The following VPS13D variants were observed in gnomAD, a reference collection of about 807,000 sequenced individuals.
VPS13D encodes vacuolar protein sorting 13 homolog D, also known as intermembrane lipid transfer protein VPS13D.
Under a neutral mutation model 461.9 loss-of-function variants are expected in VPS13D, and 187 were observed. The observed-to-expected ratio is 0.40, with a 90% confidence interval of 0.36 to 0.46. The LOEUF (loss-of-function observed/expected upper bound fraction) is 0.46, where lower values mean the gene tolerates loss of function less well. VPS13D is among the 20% of genes least tolerant of loss of function. VPS13D has a pLI of 0.60. For missense variants in VPS13D, 4,711 were observed against 5,364.9 expected, an observed-to-expected ratio of 0.88 and a Z score of 3.81; for synonymous variants, 1,951 against 1,986.3, an observed-to-expected ratio of 0.98 and a Z score of 0.47.
rs558193876 is a variant in VPS13D at position 12,244,276 on chromosome 1, C to T, written c.206C>T (p.Pro69Leu). The change falls in exon 4 of 70, where the codon CCC (proline) becomes CTC (leucine). Residue 69 changes from proline to leucine, a missense_variant. By Grantham distance (98) the Pro-to-Leu change is moderately conservative. This residue lies in a region of VPS13D where 4,411 missense variants were observed against 4,937.8 expected (regional missense o/e 0.89). Transcript: ENST00000620676. ...GFIGKVTLQI[P>L]FYRPHVDPWV... Reference sequence around the variant, plus strand: ...ATTGGGAAAGTAACCCTTCAGATTCCCTTTTATCGCCCCCATGTGGACCCT... The same window carrying T: ...ATTGGGAAAGTAACCCTTCAGATTCTCTTTTATCGCCCCCATGTGGACCCT... 6.2e-7 allele frequency: 1 copy of T among 1,613,598 alleles called. No homozygotes were observed. The highest frequency in any genetic ancestry group is 1.1e-5 in the South Asian group (1 of 90,942).
chr1:12,289,466 A>G (rs539509623), intron 22 of VPS13D, among the ~76,000 whole-genome samples: 1 of 152,174 alleles, frequency 6.6e-6, no homozygotes, highest in African/African-American at 2.4e-5. Flanking sequence ...TTGATGCTGT[A>G]GTAAAAACAA....
At chr1:12,380,133 G>A (rs141181345) in intron 57 of VPS13D, among the ~76,000 whole-genome samples, 10 of 152,306 alleles carry the variant, frequency 6.6e-5, no homozygotes, top group Admixed American at 3.9e-4. Context: ...TGTGTTAAGA[G>A]TGATTGCCCT....
At chr1:12,260,485 T>C (rs549582304) in intron 10 of VPS13D, among the ~76,000 whole-genome samples, 9 of 152,232 alleles carry the variant, frequency 5.9e-5, no homozygotes, top group African/African-American at 2.2e-4. Context: ...TAAGACCAAA[T>C]AACATCTACT....
chr1:12,389,507 A>G (rs950090956), intron 60 of VPS13D, among the ~76,000 whole-genome samples: 3 of 152,266 alleles, frequency 2.0e-5, no homozygotes, highest in African/African-American at 7.2e-5. Flanking sequence ...TATGAAGTCA[A>G]TAAATCTATG....
At chr1:12,434,789 T>A (rs897521947) in intron 65 of VPS13D, among the ~76,000 whole-genome samples, 1 of 152,232 alleles carries the variant, frequency 6.6e-6, no homozygotes, top group Non-Finnish European at 1.5e-5. Flanking sequence ...ACATTTAGAT[T>A]AATCTTGTAC....
intron 60 of VPS13D, among the ~76,000 whole-genome samples, chr1:12,386,843 A>G (rs752490981): frequency 6.6e-6 from 1 of 152,176 alleles, no homozygotes; most frequent in Non-Finnish European, 1.5e-5. Context: ...GAGCCCTGTA[A>G]TTGCCTTTCT....
Position 12,276,120 on chromosome 1 carries a change from A to G in VPS13D, c.2532A>G (p.Gly844=), listed in dbSNP as rs753012922. 8.7e-6 allele frequency: 14 copies of G among 1,614,050 alleles called. No homozygotes were observed. In the South Asian group the frequency reaches 1.2e-4, roughly 14 times the overall value. Residue 844 remains glycine (G), a synonymous_variant, in exon 19 of 70, where the codon GGA becomes GGG. Coordinates refer to ENST00000620676, the MANE Select transcript of VPS13D (RefSeq NM_015378.4). The surrounding 1 kb of genome is among the most constrained non-coding windows in gnomAD (Gnocchi z 4.5). ...NWKHVQDIDV[G]PTHVVEKFNV... ...AGCATGTCCAGGATATTGACGTGGGACCAACACATGTGGTAGAGAAGTTCA... is the reference window on the plus strand; with the variant it reads ...AGCATGTCCAGGATATTGACGTGGGGCCAACACATGTGGTAGAGAAGTTCA...
intron 57 of VPS13D, among the ~76,000 whole-genome samples, chr1:12,380,197 A>G (rs189868758): frequency 4.6e-5 from 7 of 152,360 alleles, no homozygotes; most frequent in Admixed American, 2.6e-4. Context: ...TTGATGTCAT[A>G]TATTACCAAT....
intron 26 of VPS13D, among the ~76,000 whole-genome samples, chr1:12,307,030 T>C (rs1383671281): frequency 6.6e-6 from 1 of 152,226 alleles, no homozygotes; most frequent in Non-Finnish European, 1.5e-5. Context: ...TCATTCACTT[T>C]CCTTACCCCC....
chr1:12,271,690 A>G (rs1282859032), intron 17 of VPS13D, among the ~76,000 whole-genome samples: 1 of 150,508 alleles, frequency 6.6e-6, no homozygotes, highest in Non-Finnish European at 1.5e-5. Flanking sequence ...AAAAAAAAAG[A>G]CTCGTGTTTG....
intron 52 of VPS13D, among the ~76,000 whole-genome samples, chr1:12,364,696 T>TG (rs1328189320): frequency 6.6e-6 from 1 of 152,222 alleles, no homozygotes; most frequent in Non-Finnish European, 1.5e-5. Flanking sequence ...CTCTGTATAA[T>TG]GGGTATGAGG....
In VPS13D at chr1:12,470,908, A is replaced by C. The variant is rs1020665373; in HGVS notation, c.12662+10512A>C. 2.6e-5 allele frequency among the ~76,000 whole-genome samples: 4 copies of C among 152,182 alleles called. 1 individual carries two copies. The highest frequency in any genetic ancestry group is 6.5e-5 in the Admixed American group (1 of 15,284). On this transcript the variant is annotated intron_variant, in intron 67 of 69. Coordinates refer to ENST00000620676, the MANE Select transcript of VPS13D (RefSeq NM_015378.4). Reference sequence around the variant, plus strand: ...CTTGAAAACAAATAGTTATAGTTTTACTAATTGTTTATAAAATTAGCTAAT... The same window carrying C: ...CTTGAAAACAAATAGTTATAGTTTTCCTAATTGTTTATAAAATTAGCTAAT...
intron 2 of VPS13D, among the ~76,000 whole-genome samples, chr1:12,237,876 C>T (rs552239468): frequency 6.6e-6 from 1 of 151,786 alleles, no homozygotes; most frequent in African/African-American, 2.4e-5. Context: ...TTTATTGAGG[C>T]TGGGCATGGT....
At chr1:12,487,008 G>C (rs1229262413) in intron 67 of VPS13D, among the ~76,000 whole-genome samples, 1 of 151,994 alleles carries the variant, frequency 6.6e-6, no homozygotes, top group African/African-American at 2.4e-5. Context: ...CCCTGGAAGA[G>C]ATGAGTGACT....
intron 67 of VPS13D, among the ~76,000 whole-genome samples, chr1:12,467,326 C>T (rs553136552): frequency 2.0e-5 from 3 of 152,296 alleles, no homozygotes; most frequent in African/African-American, 7.2e-5. Flanking sequence ...CGCACGCCAC[C>T]TCGCCCAGCT....
intron 13 of VPS13D, among the ~76,000 whole-genome samples, chr1:12,262,612 A>T (rs191915169): frequency 5.0e-4 from 76 of 152,290 alleles, no homozygotes; most frequent in African/African-American, 1.8e-3. Context: ...GGCTAATGTA[A>T]GTATTCTGAG....
chr1:12,426,308 A>G (rs1644924316), intron 65 of VPS13D, among the ~76,000 whole-genome samples: 1 of 152,242 alleles, frequency 6.6e-6, no homozygotes, highest in East Asian at 1.9e-4. Flanking sequence ...GTATGAGCTG[A>G]CAGTGAGCTT....
chr1:12,308,320 G>C (rs1039486464), intron 26 of VPS13D, 111 bp from the exon 27 acceptor site: 7 of 1,150,568 alleles, frequency 6.1e-6, no homozygotes, highest in Non-Finnish European at 8.7e-6. Flanking sequence ...GAAGCAGGCA[G>C]CTGTAAACAT....
At chr1:12,245,932 A>G (rs1051382405) in intron 5 of VPS13D, among the ~76,000 whole-genome samples, 1 of 152,178 alleles carries the variant, frequency 6.6e-6, no homozygotes, top group African/African-American at 2.4e-5. Flanking sequence ...ATGTGTCAGC[A>G]CTTTATTCCT....
Sources: gnomAD v4.1 joint callset for allele counts (sites outside exome capture counted in the v4.1 genomes callset) on GRCh38, gnomAD v4.1.1 for gene constraint, gnomAD v4.1.1 regional missense constraint, Gnocchi (gnomAD v3.1) non-coding constraint, MANE v1.5 for transcripts, NCBI Gene and HGNC (gene_info 2026-07-23, HGNC 2026-07-21) for gene names.